PDE5A: variants seen among roughly 807,000 people sequenced by gnomAD.
The protein encoded by PDE5A is phosphodiesterase 5A.
In PDE5A, 67 loss-of-function variants were observed where a neutral mutation model predicts 110.2. The observed-to-expected ratio is 0.61, with a 90% CI of 0.50 to 0.75. The LOEUF (loss-of-function observed/expected upper bound fraction) is 0.75. Ranked by LOEUF, PDE5A falls within the 30% of genes least tolerant of loss-of-function variation. The pLI is 0.00. For missense variants in PDE5A, 862 were observed against 1,045.1 expected, an observed-to-expected ratio of 0.82 and a Z score of 2.42; for synonymous variants, 328 against 351.2, an observed-to-expected ratio of 0.93 and a Z score of 0.74.
At position 119,507,519 on chromosome 4, in the gene PDE5A, G is replaced by A. The variant is rs1202394087; in HGVS notation, c.2189+85C>T. On this transcript the variant is annotated intron_variant, in intron 16 of 20. Transcript: ENST00000354960. ...AGTTTTGCCAGGACATTTCTGCTTT[G>A]AAATTTCTCAATATGGATGTCAAAA... is the stretch of plus-strand genomic sequence containing the variant. 3 of 913,764 alleles carry A rather than the reference G, an allele frequency of 3.3e-6. No individual in the cohort carries two copies. The African/African-American group carries it at 5.2e-5, about 16-fold the overall frequency. 56.6% of individuals were successfully genotyped at this position (913,764 alleles called of 1,614,324 possible).
chr4:119,623,078 G>A (rs1730216391), intron 1 of PDE5A, among the ~76,000 whole-genome samples: 1 of 150,830 alleles, frequency 6.6e-6, no homozygotes, highest in South Asian at 2.1e-4. Context: ...ATATCAGTCA[G>A]TAAATAAGAT....
intron 3 of PDE5A, among the ~76,000 whole-genome samples, chr4:119,575,786 T>C (rs1314333558): frequency 4.0e-5 from 6 of 151,692 alleles, no homozygotes; most frequent in African/African-American, 1.2e-4. Flanking sequence ...AACTAACGAG[T>C]AAAATAACCA....
chr4:119,552,877 TTAA>T (rs1250262858), intron 8 of PDE5A, among the ~76,000 whole-genome samples: 11 of 151,084 alleles, frequency 7.3e-5, no homozygotes, highest in African/African-American at 1.9e-4. Flanking sequence ...TCCAAGCAGC[TTAA>T]TAATAAGTAA....
At chr4:119,501,343 C>T (rs1487812236) in intron 19 of PDE5A, 90 bp from the exon 20 acceptor site, 4 of 779,816 alleles carry the variant, frequency 5.1e-6, no homozygotes, top group South Asian at 1.6e-5. Flanking sequence ...TGGAGTCTCA[C>T]TCTGTTGTCC....
In PDE5A at chr4:119,614,649, T is replaced by C. The variant is rs376261857; in HGVS notation, c.153-7352A>G. 8.5e-5 allele frequency among the ~76,000 whole-genome samples: 13 copies of C among 152,264 alleles called. No homozygotes were observed. The East Asian group carries it at 1.7e-3, about 20-fold the overall frequency. The stretch of plus-strand genomic sequence containing the variant: ...TGCAATAAAACTAGAGCATAAAATA[T>C]CTCCTTAAATCAAGTTCATTCATTT... On this transcript the variant is annotated intron_variant, in intron 1 of 20. Transcript: ENST00000354960.
intron 16 of PDE5A, among the ~76,000 whole-genome samples, chr4:119,507,308 A>C (rs1020901874): frequency 1.3e-5 from 2 of 151,898 alleles, no homozygotes; most frequent in African/African-American, 4.8e-5. Context: ...TGATCTATAT[A>C]ATCTTTGGAC....
At chr4:119,608,889 C>T (rs1040444273) in intron 1 of PDE5A, among the ~76,000 whole-genome samples, 2 of 152,112 alleles carry the variant, frequency 1.3e-5, no homozygotes, top group African/African-American at 4.8e-5. Flanking sequence ...AGGCCAGGCG[C>T]GGTGGCTCAC....
chr4:119,616,901 C>A (rs1009779563), intron 1 of PDE5A, among the ~76,000 whole-genome samples: 6 of 152,008 alleles, frequency 3.9e-5, no homozygotes, highest in African/African-American at 1.2e-4. Flanking sequence ...TATTTTGTAA[C>A]TAAATGAAAA....
chr4:119,558,005 T>C (rs1288810010), intron 7 of PDE5A, among the ~76,000 whole-genome samples: 2 of 152,224 alleles, frequency 1.3e-5, no homozygotes, highest in Non-Finnish European at 2.9e-5. Context: ...CATTTGTGAA[T>C]GAACATAAAG....
At chr4:119,520,210 C>CA (rs1306603553) in intron 13 of PDE5A, among the ~76,000 whole-genome samples, 2 of 151,932 alleles carry the variant, frequency 1.3e-5, no homozygotes, top group Non-Finnish European at 2.9e-5. Context: ...AAAGTAGAGA[C>CA]AGAGAATAAC....
intron 9 of PDE5A, 35 bp from the exon 10 acceptor site, chr4:119,542,669 G>C: frequency 6.3e-7 from 1 of 1,583,028 alleles, no homozygotes; most frequent in Non-Finnish European, 8.7e-7. Flanking sequence ...AAATGTTATT[G>C]TTGATTATCA....
chr4:119,606,301 T>G (rs1173412605), intron 2 of PDE5A, among the ~76,000 whole-genome samples: 1 of 147,478 alleles, frequency 6.8e-6, no homozygotes, highest in Non-Finnish European at 1.5e-5. Flanking sequence ...GAAAAGAGAC[T>G]ATGAGTTTTT....
intron 3 of PDE5A, among the ~76,000 whole-genome samples, chr4:119,568,827 A>G (rs9884402): frequency 0.27 from 41,169 of 152,122 alleles, 5,629 homozygotes; most frequent in East Asian, 0.38. Flanking sequence ...TACAAAAAGT[A>G]TACATTGATA....
chr4:119,537,537 G>A (rs6858592), intron 11 of PDE5A, among the ~76,000 whole-genome samples: 44,501 of 151,684 alleles, frequency 0.29, 6,558 homozygotes, highest in East Asian at 0.38. Flanking sequence ...CTACCTTCTT[G>A]GCTGTTTTCT....
At chr4:119,598,537 T>C (rs373417911) in intron 2 of PDE5A, among the ~76,000 whole-genome samples, 11 of 152,214 alleles carry the variant, frequency 7.2e-5, no homozygotes, top group African/African-American at 2.6e-4. Context: ...AACATGACAG[T>C]ATGAAAGAAC....
intron 3 of PDE5A, among the ~76,000 whole-genome samples, chr4:119,595,425 G>A (rs754296754): frequency 2.6e-5 from 4 of 152,150 alleles, no homozygotes; most frequent in South Asian, 2.1e-4. Flanking sequence ...ACATTTCCGC[G>A]TGTGTCTGTG....
chr4:119,507,828 T>G, intron 15 of PDE5A, 124 bp from the exon 16 acceptor site: 1 of 643,802 alleles, frequency 1.6e-6, no homozygotes. Flanking sequence ...GAGGACACAC[T>G]TAAATACCAT....
intron 5 of PDE5A, among the ~76,000 whole-genome samples, chr4:119,564,438 A>C (rs1308884797): frequency 6.6e-6 from 1 of 152,168 alleles, no homozygotes. Context: ...GGGGATCCAA[A>C]AGATAGTGGA....
In PDE5A at chr4:119,616,891, T is replaced by C. The variant is rs191194435; in HGVS notation, c.153-9594A>G. On this transcript the variant is annotated intron_variant, in intron 1 of 20. Transcript: ENST00000354960. ...TCATTTTACACATACTATGTGCTCA[T>C]ATTTTGTAACTAAATGAAAAGTGTG... 3.2e-3 allele frequency among the ~76,000 whole-genome samples: 485 copies of C among 152,284 alleles called. 2 individuals are homozygous for C. The highest frequency in any genetic ancestry group is 0.011 in the African/African-American group (447 of 41,566).
Sources: gnomAD v4.1 joint callset for allele counts (sites outside exome capture counted in the v4.1 genomes callset) on GRCh38, gnomAD v4.1.1 for gene constraint, MANE v1.5 for transcripts, NCBI Gene and HGNC (gene_info 2026-07-23, HGNC 2026-07-21) for gene names.